The following SIPA1L3 variants were observed in gnomAD, a reference collection of about 807,000 sequenced individuals.
The protein encoded by SIPA1L3 is signal-induced proliferation-associated 1-like protein 3.
SIPA1L3 carries 59 observed loss-of-function variants against 150.1 expected under a neutral mutation model. The ratio of observed to expected loss-of-function variants is 0.39; its 90% confidence interval spans 0.32 to 0.49. The LOEUF (loss-of-function observed/expected upper bound fraction) is 0.49, where lower values mean the gene tolerates loss of function less well. Among genes scored for constraint, SIPA1L3 ranks in the 20% least tolerant of loss-of-function variants. The pLI is 0.86. For synonymous variants in SIPA1L3, 1,070 were observed against 1,077.6 expected (o/e 0.99, Z 0.14); for missense variants, 2,211 against 2,489.5 (o/e 0.89, Z 2.38).
At chr19:38,138,864 C>A (rs1486208074) in intron 10 of SIPA1L3, among the ~76,000 whole-genome samples, 5 of 128,106 alleles carry the variant, frequency 3.9e-5, no homozygotes, top group African/African-American at 1.5e-4. Context: ...CACCACTGCA[C>A]TCCAGCCTGG....
chr19:38,064,538 A>C (rs1371374841), intron 2 of SIPA1L3, among the ~76,000 whole-genome samples: 1 of 152,202 alleles, frequency 6.6e-6, no homozygotes, highest in Non-Finnish European at 1.5e-5. Flanking sequence ...ATCTACTAAA[A>C]ATACAAAAAT....
At chr19:37,972,407 T>C (rs1966965269) in intron 1 of SIPA1L3, among the ~76,000 whole-genome samples, 1 of 152,260 alleles carries the variant, frequency 6.6e-6, no homozygotes, top group East Asian at 1.9e-4. Context: ...TTTGAGACGT[T>C]TGTAAGAACT....
At position 38,136,183 on chromosome 19, in the gene SIPA1L3, C is replaced by CAAAA. The variant is rs56146390; in HGVS notation, c.3144-4981_3144-4978dup. Among the ~76,000 whole-genome samples, 68 of 44,072 alleles carry CAAAA rather than the reference C, an allele frequency of 1.5e-3. 9 individuals are homozygous for CAAAA. Among genetic ancestry groups the CAAAA allele is most frequent in the East Asian group, 3.3e-3 (4 of 1,222 alleles). 28.9% of individuals were successfully genotyped at this position (44,072 alleles called of 152,430 possible). A position where few individuals can be genotyped will look rare whatever the true frequency, so the allele number is the denominator to read the frequency against. ...CCTGGGCAAGAGAGTGAGACTGTCT[C>CAAAA]AAAAAAAAAAAAAAAAAAAAAAAGA... On this transcript the variant is annotated intron_variant, in intron 10 of 21. Transcript: ENST00000222345.
chr19:38,033,669 ACGTATGTG>A (rs113291718), intron 2 of SIPA1L3, among the ~76,000 whole-genome samples: 80,700 of 149,278 alleles, frequency 0.54, 22,632 homozygotes, highest in East Asian at 0.69. Context: ...CGAGAGAGAT[ACGTATGTG>A]TGTGTGTGTG....
At chr19:37,995,798 C>T (rs1478318104) in intron 1 of SIPA1L3, among the ~76,000 whole-genome samples, 16 of 152,152 alleles carry the variant, frequency 1.1e-4, no homozygotes, top group Non-Finnish European at 1.5e-5. Flanking sequence ...AGATGCAGCC[C>T]GAGTATGGGG....
intron 12 of SIPA1L3, among the ~76,000 whole-genome samples, chr19:38,149,560 A>C (rs1971774411): frequency 6.6e-6 from 1 of 152,184 alleles, no homozygotes; most frequent in Admixed American, 6.5e-5. Context: ...AGTGGTTCTG[A>C]CAAGATTGTT....
Position 37,962,463 on chromosome 19 carries a change from C to CTTTTTTTTTTTT in SIPA1L3, c.-379+55117_-379+55128dup, listed in dbSNP as rs71177491. Among the ~76,000 whole-genome samples, 201 of 73,094 alleles carry CTTTTTTTTTTTT rather than the reference C, an allele frequency of 2.7e-3. 19 individuals are homozygous for CTTTTTTTTTTTT. Among genetic ancestry groups the CTTTTTTTTTTTT allele is most frequent in the African/African-American group, 4.9e-3 (69 of 14,040 alleles). 48.0% of individuals were successfully genotyped at this position (73,094 alleles called of 152,430 possible). A position where few individuals can be genotyped will look rare whatever the true frequency, so the allele number is the denominator to read the frequency against. Reference sequence around the variant, plus strand: ...TTGGCCATGAGCCACTGCAGCCGGCCTTTTTTTTTTTTTTTTTTTTTTTGA... The same window carrying CTTTTTTTTTTTT: ...TTGGCCATGAGCCACTGCAGCCGGCCTTTTTTTTTTTTTTTTTTTTTTTTTTTTTTTTTTTGA... On this transcript the variant is annotated intron_variant, in intron 1 of 21. Transcript: ENST00000222345.
intron 1 of SIPA1L3, among the ~76,000 whole-genome samples, chr19:37,933,008 G>A (rs1228776821): frequency 1.4e-5 from 2 of 148,080 alleles, no homozygotes; most frequent in Non-Finnish European, 3.0e-5. Context: ...CTGTGGTCTC[G>A]CCTGAGTCCG....
At chr19:37,984,665 T>C (rs1967298225) in intron 1 of SIPA1L3, among the ~76,000 whole-genome samples, 1 of 152,240 alleles carries the variant, frequency 6.6e-6, no homozygotes, top group East Asian at 1.9e-4. Flanking sequence ...AGTAAAGATC[T>C]TTTTGCATAG....
intron 3 of SIPA1L3, among the ~76,000 whole-genome samples, chr19:38,087,362 C>T (rs1970157322): frequency 6.6e-6 from 1 of 151,992 alleles, no homozygotes; most frequent in African/African-American, 2.4e-5. Context: ...GTTGAACCCC[C>T]TGCAGATGCT....
chr19:38,030,641 T>C (rs1048329819), intron 2 of SIPA1L3, among the ~76,000 whole-genome samples: 1 of 73,160 alleles, frequency 1.4e-5, no homozygotes, highest in African/African-American at 4.0e-5. Context: ...TATATATATA[T>C]ATATATATAT....
At chr19:38,027,016 A>G (rs768501582) in intron 1 of SIPA1L3, among the ~76,000 whole-genome samples, 1 of 152,174 alleles carries the variant, frequency 6.6e-6, no homozygotes, top group Non-Finnish European at 1.5e-5. Context: ...AATAGGCCAG[A>G]AGTGGTGTTT....
chr19:37,974,811 A>G (rs1967036983), intron 1 of SIPA1L3, among the ~76,000 whole-genome samples: 1 of 152,142 alleles, frequency 6.6e-6, no homozygotes, highest in African/African-American at 2.4e-5. Flanking sequence ...CTCTTGTGGA[A>G]TCTCTCCATT....
intron 2 of SIPA1L3, among the ~76,000 whole-genome samples, chr19:38,078,176 T>C (rs1011112345): frequency 6.6e-6 from 1 of 152,084 alleles, no homozygotes; most frequent in Non-Finnish European, 1.5e-5. Flanking sequence ...CAGCTTCCTC[T>C]CTCTTCTGTA....
intron 8 of SIPA1L3, 62 bp downstream of exon 8, chr19:38,110,446 G>A: frequency 6.7e-7 from 1 of 1,503,388 alleles, no homozygotes. Context: ...GCTGGCCCAA[G>A]TGGGTCCCAG....
At chr19:37,940,289 A>G (rs1176412459) in intron 1 of SIPA1L3, among the ~76,000 whole-genome samples, 1 of 150,510 alleles carries the variant, frequency 6.6e-6, no homozygotes, top group Non-Finnish European at 1.5e-5. Context: ...CTGCCTAAAA[A>G]CAAACAAACA....
At chr19:37,939,095 T>G (rs2046628439) in intron 1 of SIPA1L3, among the ~76,000 whole-genome samples, 1 of 152,308 alleles carries the variant, frequency 6.6e-6, no homozygotes, top group South Asian at 2.1e-4. Context: ...TACCTTTTTG[T>G]GTACCTCCAG....
intron 1 of SIPA1L3, among the ~76,000 whole-genome samples, chr19:37,936,441 A>G (rs2046601156): frequency 6.6e-6 from 1 of 152,216 alleles, no homozygotes; most frequent in African/African-American, 2.4e-5. Flanking sequence ...AAGAGTGTGC[A>G]GGATTATTTG....
At chr19:38,091,648 G>A (rs889298202) in intron 4 of SIPA1L3, among the ~76,000 whole-genome samples, 5 of 152,174 alleles carry the variant, frequency 3.3e-5, no homozygotes, top group Admixed American at 2.0e-4. Flanking sequence ...TGTTCTGGCC[G>A]CCGCACTCGG....
Sources: allele counts gnomAD v4.1 joint callset (sites outside exome capture counted in the v4.1 genomes callset), GRCh38; gene constraint gnomAD v4.1.1; transcripts MANE v1.5; gene names NCBI Gene and HGNC (gene_info 2026-07-23, HGNC 2026-07-21).